SNX25: variants seen among roughly 807,000 people sequenced by gnomAD.
The protein encoded by SNX25 is sorting nexin 25, also known as sorting nexin-25.
A neutral mutation model predicts 113.7 loss-of-function variants in SNX25; 62 were observed. The ratio of observed to expected loss-of-function variants is 0.55; its 90% CI spans 0.44 to 0.67. The LOEUF (loss-of-function observed/expected upper bound fraction) is 0.67, where lower values mean the gene tolerates loss of function less well. SNX25 is among the 30% of genes least tolerant of loss of function. The pLI is 0.00. For synonymous variants in SNX25, 421 were observed against 436.2 expected, an observed-to-expected ratio of 0.97 and a Z score of 0.43; for missense variants, 1,014 against 1,161.0, an observed-to-expected ratio of 0.87 and a Z score of 1.84.
downstream of SNX25, chr4:185,363,998 T>C (rs2095377769): frequency 6.5e-6 from 1 of 152,908 alleles, no homozygotes; most frequent in Non-Finnish European, 1.5e-5. This position sits in a 1 kb window ranked among gnomAD's most constrained non-coding sequence, Gnocchi z 4.2. Flanking sequence ...AAGATACTTA[T>C]ATCTCAAAGA....
intron 5 of SNX25, among the ~76,000 whole-genome samples, chr4:185,274,281 G>A (rs1468848741): frequency 6.6e-6 from 1 of 152,038 alleles, no homozygotes; most frequent in African/African-American, 2.4e-5. Flanking sequence ...GGCTGGTCTC[G>A]AACTCCTGAC....
At chr4:185,342,186 A>G in intron 12 of SNX25, 70 bp downstream of exon 12, 1 of 1,416,394 alleles carries the variant, frequency 7.1e-7, no homozygotes, top group South Asian at 1.7e-5. Flanking sequence ...TACACATAAG[A>G]AAGCTGATTA....
At chr4:185,312,562 G>A (rs554160798) in intron 7 of SNX25, among the ~76,000 whole-genome samples, 5 of 147,176 alleles carry the variant, frequency 3.4e-5, no homozygotes, top group African/African-American at 7.6e-5. Flanking sequence ...TCACTCTGTC[G>A]CCCAGGCTGG....
At chr4:185,375,576 T>G in the SNX25 span, 15 of 1,102,632 alleles carry the variant, frequency 1.4e-5, no homozygotes, top group Non-Finnish European at 1.7e-5. Flanking sequence ...CCACTGACAA[T>G]GAAATCTTAA....
downstream of SNX25, chr4:185,370,947 G>C: frequency 1.0e-6 from 1 of 959,294 alleles, no homozygotes; most frequent in Admixed American, 2.3e-5. Flanking sequence ...GTTGTTTGCT[G>C]TGTGGGGAAG....
chr4:185,219,627 C>T (rs185622669), intron 1 of SNX25, among the ~76,000 whole-genome samples: 2 of 152,176 alleles, frequency 1.3e-5, no homozygotes, highest in East Asian at 3.8e-4. Flanking sequence ...TTATGCCCCT[C>T]CTTGCATCTC....
chr4:185,330,241 G>T (rs2095184679), intron 9 of SNX25, among the ~76,000 whole-genome samples: 1 of 152,164 alleles, frequency 6.6e-6, no homozygotes, highest in South Asian at 2.1e-4. Flanking sequence ...AATGTCTCTG[G>T]TCAGAGGGGA....
At chr4:185,367,781 G>C (rs377568193), downstream of SNX25, among the ~76,000 whole-genome samples, 4 of 152,114 alleles carry the variant, frequency 2.6e-5, no homozygotes, top group East Asian at 7.7e-4. Context: ...GTATTTGCTT[G>C]GTTGCTTCCA....
chr4:185,228,796 A>G (rs945425179), intron 1 of SNX25, among the ~76,000 whole-genome samples: 4 of 152,226 alleles, frequency 2.6e-5, no homozygotes, highest in Non-Finnish European at 4.4e-5. Flanking sequence ...CTCATTGTGA[A>G]CCAAGCATTT....
intron 18 of SNX25, 34 bp downstream of exon 18, chr4:185,362,745 T>G (rs1244707499): frequency 2.6e-6 from 4 of 1,564,618 alleles, no homozygotes; most frequent in Non-Finnish European, 3.5e-6. Context: ...GTTTCCTGCT[T>G]TATTTTTGTC....
intron 9 of SNX25, 134 bp from the exon 10 acceptor site, chr4:185,332,461 A>G: frequency 1.2e-6 from 1 of 844,314 alleles, no homozygotes; most frequent in Non-Finnish European, 1.7e-6. Flanking sequence ...GCTGAGAAAA[A>G]GCAGTCTAAA....
rs908603058 is a variant in SNX25, at chr4:185,210,318, C to T, written c.429+63C>T. On this transcript the variant is annotated intron_variant, in intron 1 of 18. Coordinates refer to ENST00000652585, the MANE Select transcript of SNX25 (RefSeq NM_001378034.2). This position sits in a 1 kb window ranked among gnomAD's most constrained non-coding sequence, Gnocchi z 4.4. ...CCTCCCCGCTTCCGGTGCCAGCTCC[C>T]GCGCCCCGAGCTCCGGGGGGCCGCG... The T allele has an allele frequency of 5.1e-6, 5 of 984,432 alleles. No homozygotes were observed. The highest frequency in any genetic ancestry group is 6.0e-6 in the Non-Finnish European group (5 of 829,702). 61.0% of individuals were successfully genotyped at this position (984,432 alleles called of 1,614,324 possible).
At chr4:185,267,978 A>G (rs1748375566) in intron 5 of SNX25, among the ~76,000 whole-genome samples, 1 of 152,220 alleles carries the variant, frequency 6.6e-6, no homozygotes, top group Non-Finnish European at 1.5e-5. Flanking sequence ...TCATCTCTTC[A>G]CATGGAAGTA....
rs1051002172 is a variant in SNX25, at chr4:185,253,913, A to G, written c.515-4935A>G. Among the ~76,000 whole-genome samples the G allele has an allele frequency of 3.3e-5, 5 of 152,220 alleles. No individual in the cohort carries two copies. The East Asian group carries it at 9.6e-4, about 29-fold the overall frequency. ...GAAAACAATCATGACAGCGGAAGAT[A>G]CTGCAAGGTCATTGTCAAAGTATAA... On this transcript the variant is annotated intron_variant, in intron 2 of 18. Coordinates refer to ENST00000652585, the MANE Select transcript of SNX25 (RefSeq NM_001378034.2).
At chr4:185,284,722 T>C (rs761121627) in intron 5 of SNX25, among the ~76,000 whole-genome samples, 4 of 152,052 alleles carry the variant, frequency 2.6e-5, no homozygotes, top group Non-Finnish European at 5.9e-5. Flanking sequence ...TAGGAGGGTG[T>C]GTTGACAGGT....
intron 12 of SNX25, among the ~76,000 whole-genome samples, chr4:185,342,429 T>C (rs1224119787): frequency 6.6e-6 from 1 of 152,250 alleles, no homozygotes; most frequent in Admixed American, 6.5e-5. Context: ...GTGAAATCAG[T>C]TGTGAGTTGC....
chr4:185,293,424 G>A (rs1015639745), intron 6 of SNX25, among the ~76,000 whole-genome samples: 1 of 152,118 alleles, frequency 6.6e-6, no homozygotes, highest in Non-Finnish European at 1.5e-5. Context: ...ATCCAGACAA[G>A]GGAGTATTAT....
At chr4:185,239,279 C>T (rs13102672) in intron 1 of SNX25, among the ~76,000 whole-genome samples, 6,012 of 151,476 alleles carry the variant, frequency 0.04, 170 homozygotes, top group Middle Eastern at 0.078. Flanking sequence ...GTCAGGAGAT[C>T]GAGACCATCC....
intron 16 of SNX25, among the ~76,000 whole-genome samples, chr4:185,359,485 C>T (rs1034128456): frequency 6.6e-6 from 1 of 151,922 alleles, no homozygotes; most frequent in African/African-American, 2.4e-5. Context: ...TATTGACAAG[C>T]CTTAGATAAA....
Sources: allele counts gnomAD v4.1 joint callset (sites outside exome capture counted in the v4.1 genomes callset), GRCh38; gene constraint gnomAD v4.1.1; non-coding constraint Gnocchi (gnomAD v3.1); transcripts MANE v1.5; gene names NCBI Gene and HGNC (gene_info 2026-07-23, HGNC 2026-07-21).